The following LARGE1 variants were observed in gnomAD, a reference collection of about 807,000 sequenced individuals.
LARGE1 encodes the protein xylosyl- and glucuronyltransferase LARGE1.
A neutral mutation model predicts 87.6 loss-of-function variants in LARGE1; 43 were observed. The observed-to-expected ratio is 0.49, with a 90% CI of 0.38 to 0.63. The LOEUF (loss-of-function observed/expected upper bound fraction) is 0.63, where lower values mean the gene tolerates loss of function less well. Among genes scored for constraint, LARGE1 ranks in the 30% least tolerant of loss-of-function variants. The pLI is 0.00. For synonymous variants in LARGE1, 434 were observed against 394.6 expected (o/e 1.10, Z -1.18); for missense variants, 802 against 1,000.2 (o/e 0.80, Z 2.67).
At chr22:33,212,076 G>A (rs1263964720) in intron 11 of LARGE1, among the ~76,000 whole-genome samples, 4 of 152,138 alleles carry the variant, frequency 2.6e-5, no homozygotes, top group African/African-American at 9.7e-5. Flanking sequence ...AAGTGCTGAT[G>A]GAGAAGCTGA....
At chr22:33,540,809 A>G in intron 6 of LARGE1, among the ~76,000 whole-genome samples, 1 of 152,008 alleles carries the variant, frequency 6.6e-6, no homozygotes, top group African/African-American at 2.4e-5. Context: ...CAACAACTGC[A>G]CTCAGAGAAG....
At chr22:33,092,251 T>A in the LARGE1 span, among the ~76,000 whole-genome samples, 1 of 151,952 alleles carries the variant, frequency 6.6e-6, no homozygotes, top group Non-Finnish European at 1.5e-5. Context: ...CCAGGGCTTT[T>A]TTTTTTTCTA....
At chr22:33,153,255 T>C in the LARGE1 span, among the ~76,000 whole-genome samples, 1 of 152,208 alleles carries the variant, frequency 6.6e-6, no homozygotes, top group Non-Finnish European at 1.5e-5. Context: ...CTTAAACTCC[T>C]GGGCTCAAGT....
At chr22:33,377,911 C>T (rs966872695) in intron 9 of LARGE1, among the ~76,000 whole-genome samples, 2 of 152,168 alleles carry the variant, frequency 1.3e-5, no homozygotes, top group Admixed American at 6.5e-5. Context: ...CCAAATACGG[C>T]TATTCATTTT....
At chr22:33,226,971 T>C (rs1219052291) in intron 11 of LARGE1, among the ~76,000 whole-genome samples, 1 of 152,176 alleles carries the variant, frequency 6.6e-6, no homozygotes, top group African/African-American at 2.4e-5. Flanking sequence ...CCTTGTAACC[T>C]TTAAATTATT....
intron 6 of LARGE1, among the ~76,000 whole-genome samples, chr22:33,546,317 T>A (rs1005793833): frequency 6.6e-6 from 1 of 152,244 alleles, no homozygotes; most frequent in African/African-American, 2.4e-5. Flanking sequence ...CTTTGGTCCA[T>A]TCTGTGCCTT....
chr22:33,357,441 C>T (rs1046037369), intron 9 of LARGE1, among the ~76,000 whole-genome samples: 2 of 152,058 alleles, frequency 1.3e-5, no homozygotes, highest in Non-Finnish European at 2.9e-5. Context: ...CTAAAAGCCC[C>T]GACTTCATCA....
At chr22:33,193,682 G>A (rs1923909297) in intron 11 of LARGE1, among the ~76,000 whole-genome samples, 2 of 151,924 alleles carry the variant, frequency 1.3e-5, no homozygotes, top group South Asian at 4.2e-4. Context: ...GCTAGGTGTG[G>A]TGGTGCATGC....
chr22:33,332,874 A>T (rs1162806870), intron 10 of LARGE1, among the ~76,000 whole-genome samples: 1 of 152,100 alleles, frequency 6.6e-6, no homozygotes, highest in Non-Finnish European at 1.5e-5. Flanking sequence ...GCTTGTCTTG[A>T]CTTATGAGTG....
intron 2 of LARGE1, among the ~76,000 whole-genome samples, chr22:33,721,466 C>A (rs1010493688): frequency 6.6e-6 from 1 of 152,164 alleles, no homozygotes; most frequent in African/African-American, 2.4e-5. Flanking sequence ...TATCGAAATT[C>A]ACCCACTTAC....
At chr22:33,771,571 A>G (rs2085069480) in intron 1 of LARGE1, among the ~76,000 whole-genome samples, 3 of 151,988 alleles carry the variant, frequency 2.0e-5, no homozygotes, top group African/African-American at 7.3e-5. Flanking sequence ...CCAGGATTCA[A>G]TGTGGGATCC....
intron 11 of LARGE1, among the ~76,000 whole-genome samples, chr22:33,249,159 G>A (rs1214949476): frequency 6.6e-6 from 1 of 152,156 alleles, no homozygotes; most frequent in South Asian, 2.1e-4. Flanking sequence ...TAGCTGTACC[G>A]TTTTGCATTC....
chr22:33,423,910 T>C (rs2066783386), intron 7 of LARGE1, among the ~76,000 whole-genome samples: 1 of 152,094 alleles, frequency 6.6e-6, no homozygotes, highest in African/African-American at 2.4e-5. Flanking sequence ...ACTAGACCAA[T>C]ATAAAATCTG....
intron 1 of LARGE1, among the ~76,000 whole-genome samples, chr22:33,829,504 C>T (rs187712335): frequency 9.9e-4 from 151 of 152,266 alleles, no homozygotes; most frequent in Non-Finnish European, 1.4e-3. Flanking sequence ...CCTGTATCCC[C>T]GGTGCTTAGT....
At chr22:33,353,208 G>A (rs1207852213) in intron 9 of LARGE1, among the ~76,000 whole-genome samples, 4 of 152,180 alleles carry the variant, frequency 2.6e-5, no homozygotes, top group African/African-American at 9.6e-5. Context: ...TAAAAACAAA[G>A]CATTCAGAAT....
the LARGE1 span, among the ~76,000 whole-genome samples, chr22:33,129,689 A>G: frequency 1.3e-5 from 2 of 152,162 alleles, no homozygotes; most frequent in Non-Finnish European, 2.9e-5. Flanking sequence ...GGCCTCAAGA[A>G]ACTTACAATC....
chr22:33,317,718 G>T (rs1936306647), intron 10 of LARGE1, among the ~76,000 whole-genome samples: 1 of 152,162 alleles, frequency 6.6e-6, no homozygotes, highest in African/African-American at 2.4e-5. Flanking sequence ...AGGCAGGTAT[G>T]ATGTATGTTT....
chr22:33,246,647 A>AAAAT (rs1362639023), intron 11 of LARGE1, among the ~76,000 whole-genome samples: 3 of 152,236 alleles, frequency 2.0e-5, no homozygotes, highest in Admixed American at 2.0e-4. Context: ...CTCCATCTAA[A>AAAAT]AAATAAATAA....
In LARGE1 at chr22:33,819,803, T is replaced by C. The variant is rs577111170; in HGVS notation, c.-82-58245A>G. ...CTAAGAAACTCAGTTTCTTCTCCTA[T>C]ACTCTGGGCCATTTGTGGACAGCTA... On this transcript the variant is annotated intron_variant, in intron 1 of 14. Transcript: ENST00000397394. Among the ~76,000 whole-genome samples, 23 of 152,274 alleles carry C rather than the reference T, an allele frequency of 1.5e-4. No individual in the cohort carries two copies. The South Asian group carries it at 4.8e-3, about 32-fold the overall frequency.
Sources: gnomAD v4.1 joint callset for allele counts (sites outside exome capture counted in the v4.1 genomes callset) on GRCh38, gnomAD v4.1.1 for gene constraint, MANE v1.5 for transcripts, NCBI Gene and HGNC (gene_info 2026-07-23, HGNC 2026-07-21) for gene names.